The following DAP variants were observed in gnomAD, a reference collection of about 807,000 sequenced individuals.
DAP encodes death associated protein.
DAP carries 8 observed loss-of-function variants against 13.8 expected under a neutral mutation model. The observed-to-expected ratio is 0.58, with a 90% confidence interval of 0.34 to 1.05. The LOEUF (loss-of-function observed/expected upper bound fraction) is 1.05, where lower values mean the gene tolerates loss of function less well. Ranked by LOEUF, DAP falls within the 50% of genes least tolerant of loss-of-function variation. DAP has a pLI of 0.03. For missense variants in DAP, 106 were observed against 133.2 expected, an observed-to-expected ratio of 0.80 and a Z score of 1.01; for synonymous variants, 47 against 47.5, an observed-to-expected ratio of 0.99 and a Z score of 0.04.
rs1740335112 is a variant in DAP at position 10,760,972 on chromosome 5, C to A, written c.55+42G>T. ...CCGGCGCCCCCGGGTTCGAGCCCGCCCCCGGCACCCGCGCGTGGAGAGAGA... is the reference window on the plus strand; with the variant it reads ...CCGGCGCCCCCGGGTTCGAGCCCGCACCCGGCACCCGCGCGTGGAGAGAGA... On this transcript the variant is annotated intron_variant, in intron 1 of 3. Transcript: ENST00000230895. 3 of 1,190,062 alleles carry A rather than the reference C, an allele frequency of 2.5e-6. No homozygotes were observed. The South Asian group carries it at 1.1e-4, about 44-fold the overall frequency. The allele number at this position is 1,190,062 out of a possible 1,614,324, so 73.7% of individuals were successfully genotyped here.
chr5:10,749,744 T>C (rs1739999916), intron 1 of DAP, among the ~76,000 whole-genome samples: 1 of 36,392 alleles, frequency 2.7e-5, no homozygotes, highest in Non-Finnish European at 1.2e-4. Flanking sequence ...ACCACACAAC[T>C]TTTTTTTTTT....
intron 2 of DAP, among the ~76,000 whole-genome samples, chr5:10,736,473 C>T (rs991011392): frequency 3.9e-5 from 6 of 152,184 alleles, no homozygotes; most frequent in African/African-American, 1.2e-4. Context: ...GCCTCGCTTG[C>T]ACAGATGTCA....
chr5:10,748,100 C>A, intron 2 of DAP, 75 bp downstream of exon 2: 5 of 1,050,550 alleles, frequency 4.8e-6, no homozygotes, highest in Non-Finnish European at 7.5e-6. Context: ...AATCATAGAA[C>A]AGAGAACAAA....
At chr5:10,721,113 T>C (rs1319357450) in intron 2 of DAP, among the ~76,000 whole-genome samples, 1 of 152,140 alleles carries the variant, frequency 6.6e-6, no homozygotes, top group African/African-American at 2.4e-5. Context: ...ACTAACTAGG[T>C]GACAATACTT....
Position 10,697,343 on chromosome 5 carries a change from A to G in DAP, c.153-13772T>C, listed in dbSNP as rs189279926. 2.0e-5 allele frequency among the ~76,000 whole-genome samples: 3 copies of G among 152,328 alleles called. No homozygotes were observed. The East Asian group carries it at 5.8e-4, about 29-fold the overall frequency. ...AATTGGTATGATTATTAGTCTGTAT[A>G]ACGATCATCTATGTATTAAAAACTT... On this transcript the variant is annotated intron_variant, in intron 2 of 3. Coordinates refer to ENST00000230895, the MANE Select transcript of DAP (RefSeq NM_004394.3).
At chr5:10,746,111 A>T (rs1453615759) in intron 2 of DAP, among the ~76,000 whole-genome samples, 1 of 152,156 alleles carries the variant, frequency 6.6e-6, no homozygotes, top group African/African-American at 2.4e-5. Flanking sequence ...GCAAGGTTTT[A>T]TTCTCCTAGG....
Position 10,680,656 on chromosome 5 carries a change from C to T in DAP, c.*400G>A, listed in dbSNP as rs1027820643. The stretch of plus-strand genomic sequence containing the variant: ...GGTGTTGAGATTTTATTGGCCCATA[C>T]TAAAAAGCATGCAATGACTGAGGTT... On this transcript the variant is annotated 3_prime_UTR_variant, in exon 4 of 4. Transcript: ENST00000230895. 8 of 1,342,550 alleles carry T rather than the reference C, an allele frequency of 6.0e-6. No individual in the cohort carries two copies. The highest frequency in any genetic ancestry group is 5.9e-5 in the African/African-American group (4 of 68,186). The allele number at this position is 1,342,550 out of a possible 1,614,324, so 83.2% of individuals were successfully genotyped here. A position where few individuals can be genotyped will look rare whatever the true frequency, so the allele number is the denominator to read the frequency against.
chr5:10,754,549 A>C (rs557625721), intron 1 of DAP, among the ~76,000 whole-genome samples: 1 of 152,330 alleles, frequency 6.6e-6, no homozygotes, highest in African/African-American at 2.4e-5. Context: ...CTTCCACAGC[A>C]GTGTGTGTTC....
At chr5:10,682,722 C>T (rs1738055609) in intron 3 of DAP, among the ~76,000 whole-genome samples, 1 of 152,268 alleles carries the variant, frequency 6.6e-6, no homozygotes, top group African/African-American at 2.4e-5. Context: ...GAGGCCCACA[C>T]ACTGGCAGGA....
At chr5:10,706,205 A>AT (rs1170115343) in intron 2 of DAP, among the ~76,000 whole-genome samples, 3 of 152,232 alleles carry the variant, frequency 2.0e-5, no homozygotes, top group African/African-American at 7.2e-5. Flanking sequence ...CTATAAAATG[A>AT]TGGCGATACA....
chr5:10,731,034 GTGGAGGGAA>G lies in DAP; in HGVS notation c.152+17132_152+17140del, dbSNP rs1183646623. On this transcript the variant is annotated intron_variant, in intron 2 of 3. Coordinates refer to ENST00000230895, the MANE Select transcript of DAP (RefSeq NM_004394.3). ...GAATCTTTCTGTACTGAGAGCCCTG[GTGGAGGGAA>G]TCTTTCTCTATTGAGAGCCCTAGTG... 1.3e-4 allele frequency among the ~76,000 whole-genome samples: 6 copies of G among 47,260 alleles called. 1 individual carries two copies. Among genetic ancestry groups the G allele is most frequent in the African/African-American group, 1.7e-4 (2 of 11,902 alleles). The allele number at this position is 47,260 out of a possible 152,430, so 31.0% of individuals were successfully genotyped here.
At chr5:10,731,674 A>G (rs1480960912) in intron 2 of DAP, among the ~76,000 whole-genome samples, 1 of 152,220 alleles carries the variant, frequency 6.6e-6, no homozygotes, top group Non-Finnish European at 1.5e-5. Context: ...TATCTAAGGC[A>G]ATCTTAGCAA....
chr5:10,691,705 T>C (rs1738311307), intron 2 of DAP, among the ~76,000 whole-genome samples: 1 of 152,190 alleles, frequency 6.6e-6, no homozygotes, highest in African/African-American at 2.4e-5. Flanking sequence ...TCCTCAGGCC[T>C]TTCCAGACTT....
intron 2 of DAP, among the ~76,000 whole-genome samples, chr5:10,736,731 G>A (rs560148494): frequency 6.6e-5 from 10 of 152,274 alleles, no homozygotes; most frequent in African/African-American, 2.4e-4. Context: ...CAACAGCAAC[G>A]GGAATCTTCC....
chr5:10,757,145 A>C (rs1740208914), intron 1 of DAP, among the ~76,000 whole-genome samples: 1 of 152,114 alleles, frequency 6.6e-6, no homozygotes, highest in Admixed American at 6.5e-5. Flanking sequence ...CCACCTTGGG[A>C]GGAGGCACCT....
At chr5:10,687,871 G>C (rs1296726396) in intron 2 of DAP, among the ~76,000 whole-genome samples, 1 of 144,426 alleles carries the variant, frequency 6.9e-6, no homozygotes, top group Non-Finnish European at 1.5e-5. Context: ...AGGAAGAGTT[G>C]ATCTATGTTC....
chr5:10,698,464 A>G (rs1378226245), intron 2 of DAP, among the ~76,000 whole-genome samples: 4 of 152,070 alleles, frequency 2.6e-5, no homozygotes, highest in Non-Finnish European at 5.9e-5. Context: ...ATACAATGGG[A>G]GCGCAGCAGG....
At chr5:10,708,680 T>C (rs552520112) in intron 2 of DAP, among the ~76,000 whole-genome samples, 1 of 152,324 alleles carries the variant, frequency 6.6e-6, no homozygotes. Context: ...CACTTTTCTT[T>C]GTCATCGTAA....
At chr5:10,759,738 G>A (rs1184038702) in intron 1 of DAP, among the ~76,000 whole-genome samples, 4 of 142,030 alleles carry the variant, frequency 2.8e-5, no homozygotes, top group Non-Finnish European at 6.0e-5. Flanking sequence ...GAAGGATAAT[G>A]GGAATCTTTT....
Sources: allele counts gnomAD v4.1 joint callset (sites outside exome capture counted in the v4.1 genomes callset), GRCh38; gene constraint gnomAD v4.1.1; transcripts MANE v1.5; gene names NCBI Gene and HGNC (gene_info 2026-07-23, HGNC 2026-07-21).